SCN3A: variants seen among roughly 807,000 people sequenced by gnomAD.
SCN3A encodes the protein sodium voltage-gated channel alpha subunit 3.
Under a neutral mutation model 187.6 loss-of-function variants are expected in SCN3A, and 60 were observed. The ratio of observed to expected loss-of-function variants is 0.32; its 90% confidence interval spans 0.26 to 0.40. SCN3A has a LOEUF of 0.40. Ranked by LOEUF, SCN3A falls within the 10% of genes least tolerant of loss-of-function variation. SCN3A has a pLI of 1.00. For missense variants in SCN3A, 1,601 were observed against 2,428.2 expected (o/e 0.66, Z 7.16); for synonymous variants, 788 against 829.2 (o/e 0.95, Z 0.85).
chr2:165,176,368 T>C lies in SCN3A; in HGVS notation c.27A>G (p.Pro9=), dbSNP rs2105925195. The C allele has an allele frequency of 1.9e-6, 3 of 1,614,092 alleles. No homozygotes were observed. In the South Asian group the frequency reaches 3.3e-5, roughly 18 times the overall value. MAQALLVP[P]GPESFRLFTR... is the part of the protein sequence containing the mutation. ...TAAAAAGGCGGAAGCTTTCAGGTCC[T>C]GGGGGTACCAACAGTGCCTGTGCCA... Residue 9 remains proline, a synonymous_variant, in exon 3 of 28, where the codon CCA becomes CCG. Coordinates refer to ENST00000283254, the MANE Select transcript of SCN3A (RefSeq NM_006922.4).
At chr2:165,112,535 G>C (rs1686171912) in intron 21 of SCN3A, among the ~76,000 whole-genome samples, 1 of 152,060 alleles carries the variant, frequency 6.6e-6, no homozygotes, top group Admixed American at 6.6e-5. Flanking sequence ...GGAGATGTTT[G>C]TTTGTTTTTT....
intron 21 of SCN3A, among the ~76,000 whole-genome samples, chr2:165,111,341 TA>T (rs1186732704): frequency 7.2e-5 from 11 of 151,874 alleles, no homozygotes; most frequent in African/African-American, 2.7e-4. Context: ...GTCTCAAAAA[TA>T]AAAAAAGATC....
At chr2:165,168,596 C>T (rs1315333268) in intron 5 of SCN3A, 140 bp downstream of exon 5, 2 of 692,404 alleles carry the variant, frequency 2.9e-6, no homozygotes, top group Non-Finnish European at 5.2e-6. Context: ...CCCCAAAGAA[C>T]TTCCCTTATC....
chr2:165,151,442 C>G (rs1356672769), intron 11 of SCN3A, among the ~76,000 whole-genome samples: 1 of 152,166 alleles, frequency 6.6e-6, no homozygotes, highest in Non-Finnish European at 1.5e-5. Flanking sequence ...AATTGAGTAA[C>G]AGAGACCAGA....
chr2:165,190,148 A>T (rs1691496097), intron 1 of SCN3A, among the ~76,000 whole-genome samples: 1 of 152,162 alleles, frequency 6.6e-6, no homozygotes, highest in Non-Finnish European at 1.5e-5. Context: ...GGTCCCTATG[A>T]AAGAGGTAAC....
chr2:165,142,723 G>GT (rs1688081957), intron 12 of SCN3A, among the ~76,000 whole-genome samples: 1 of 148,710 alleles, frequency 6.7e-6, no homozygotes, highest in Admixed American at 6.8e-5. Flanking sequence ...TCCAGAACTC[G>GT]TGTTGTTGTT....
chr2:165,090,335 T>C lies in SCN3A; in HGVS notation c.5818A>G (p.Ile1940Val), dbSNP rs1306347542. Residue 1940 changes from isoleucine to valine, a missense_variant, in exon 28 of 28, where the codon ATA (isoleucine) becomes GTA (valine). Around this residue, in one of 11 missense-constraint regions of SCN3A, gnomAD observed 87 missense variants for 89.2 expected, o/e 0.98. Transcript: ENST00000283254. The surrounding 1 kb of genome is among the most constrained non-coding windows in gnomAD (Gnocchi z 4.0). ...TTGTCAATAATCATGTCTTGTTTTATAGGTAAGTCAATCCTCCCTTTAATT... is the reference window on the plus strand; with the variant it reads ...TTGTCAATAATCATGTCTTGTTTTACAGGTAAGTCAATCCTCCCTTTAATT... ...EAIKGRIDLP[I>V]KQDMIIDKLN... 2.0e-5 allele frequency: 32 copies of C among 1,613,400 alleles called. No homozygotes were observed. Among genetic ancestry groups the C allele is most frequent in the Non-Finnish European group, 2.7e-5 (32 of 1,179,436 alleles).
chr2:165,162,859 G>T (rs768131757), intron 7 of SCN3A, 31 bp from the exon 8 acceptor site: 14 of 1,612,882 alleles, frequency 8.7e-6, no homozygotes, highest in Non-Finnish European at 1.2e-5. Context: ...GTTACCTGAG[G>T]AAGAGTGCCA....
At chr2:165,135,189 T>G (rs924746069) in intron 15 of SCN3A, among the ~76,000 whole-genome samples, 1 of 152,038 alleles carries the variant, frequency 6.6e-6, no homozygotes. Flanking sequence ...ATTGAATCCC[T>G]ATGATGGGAG....
intron 21 of SCN3A, among the ~76,000 whole-genome samples, chr2:165,102,980 G>A (rs1445250611): frequency 2.6e-5 from 4 of 152,118 alleles, no homozygotes; most frequent in East Asian, 3.9e-4. Context: ...ATTTTTCCAC[G>A]CAAATTACGA....
chr2:165,160,597 T>C (rs1009454075), intron 9 of SCN3A, among the ~76,000 whole-genome samples: 2 of 142,702 alleles, frequency 1.4e-5, no homozygotes. Context: ...TAATAGGCAA[T>C]AAATTCTTTT....
intron 4 of SCN3A, among the ~76,000 whole-genome samples, chr2:165,169,436 T>G (rs1270517873): frequency 6.6e-6 from 1 of 151,928 alleles, no homozygotes; most frequent in Non-Finnish European, 1.5e-5. Flanking sequence ...ACCATCTGGC[T>G]ATACTCTTGT....
intron 1 of SCN3A, chr2:165,195,460 A>G (rs1437349607): frequency 6.6e-6 from 1 of 152,160 alleles, no homozygotes; most frequent in Non-Finnish European, 1.5e-5. Flanking sequence ...GTTTACAGAA[A>G]AGTCTATCAG....
intron 11 of SCN3A, among the ~76,000 whole-genome samples, chr2:165,151,927 T>C (rs1688707108): frequency 6.6e-6 from 1 of 152,046 alleles, no homozygotes; most frequent in Non-Finnish European, 1.5e-5. Flanking sequence ...TTGGGTAGAG[T>C]ATTAGGAAGG....
Position 165,138,089 on chromosome 2 carries a change from C to A in SCN3A, c.2181G>T (p.Pro727=), listed in dbSNP as rs138350988. The A allele has an allele frequency of 6.2e-7, 1 of 1,613,320 alleles. No homozygotes were observed. Among genetic ancestry groups the A allele is most frequent in the African/African-American group, 1.3e-5 (1 of 74,998 alleles). Residue 727 remains proline, a synonymous_variant, in exon 15 of 28, where the codon CCG becomes CCT. Coordinates refer to ENST00000283254, the MANE Select transcript of SCN3A (RefSeq NM_006922.4). The stretch of plus-strand genomic sequence containing the variant: ...CATTGGCAAATCTATACCAGCATGG[C>A]GGACATTTCTGTCTAGATTCTTCAA... ...EELEESRQKC[P]PCWYRFANVF...
chr2:165,106,384 C>G (rs1422143827), intron 21 of SCN3A, among the ~76,000 whole-genome samples: 1 of 152,136 alleles, frequency 6.6e-6, no homozygotes, highest in Non-Finnish European at 1.5e-5. Flanking sequence ...ATAGATGCAT[C>G]ATCTTCAAGC....
chr2:165,149,745 T>C (rs1447467457), intron 11 of SCN3A, among the ~76,000 whole-genome samples: 2 of 152,336 alleles, frequency 1.3e-5, no homozygotes, highest in Non-Finnish European at 2.9e-5. Flanking sequence ...AGAATAACTG[T>C]GTTACTTTCA....
intron 11 of SCN3A, among the ~76,000 whole-genome samples, chr2:165,153,669 AGAAAT>A (rs1176570658): frequency 1.3e-5 from 2 of 152,160 alleles, no homozygotes; most frequent in Non-Finnish European, 2.9e-5. Flanking sequence ...AAATCAAAAC[AGAAAT>A]GAGATACTTA....
chr2:165,166,671 C>T (rs149904361), intron 5 of SCN3A, among the ~76,000 whole-genome samples: 1 of 152,288 alleles, frequency 6.6e-6, no homozygotes, highest in East Asian at 1.9e-4. Flanking sequence ...AAGTTATCTT[C>T]TGTTTCACTG....
Sources: gnomAD v4.1 joint callset for allele counts (sites outside exome capture counted in the v4.1 genomes callset) on GRCh38, gnomAD v4.1.1 for gene constraint, gnomAD v4.1.1 regional missense constraint, Gnocchi (gnomAD v3.1) non-coding constraint, MANE v1.5 for transcripts, NCBI Gene and HGNC (gene_info 2026-07-23, HGNC 2026-07-21) for gene names.